The following KLHDC8A variants were observed in gnomAD, a reference collection of about 807,000 sequenced individuals.
KLHDC8A encodes the protein kelch domain-containing protein 8A.
KLHDC8A carries 21 observed loss-of-function variants against 33.1 expected under a neutral mutation model. That is an observed-to-expected ratio of 0.64 (90% confidence interval 0.45 to 0.91). The LOEUF (loss-of-function observed/expected upper bound fraction) is 0.91. Ranked by LOEUF, KLHDC8A falls within the 40% of genes least tolerant of loss-of-function variation. KLHDC8A has a pLI of 0.00. For missense variants in KLHDC8A, 435 were observed against 483.3 expected, an observed-to-expected ratio of 0.90 and a Z score of 0.94; for synonymous variants, 173 against 193.5, an observed-to-expected ratio of 0.89 and a Z score of 0.88.
chr1:205,349,470 G>C (rs1439795010), intron 1 of KLHDC8A, among the ~76,000 whole-genome samples: 2 of 152,322 alleles, frequency 1.3e-5, no homozygotes, highest in East Asian at 3.9e-4. Context: ...GTGGACCCCA[G>C]ATATGGGATG....
At chr1:205,345,702 C>T (rs1291356449) in intron 1 of KLHDC8A, among the ~76,000 whole-genome samples, 2 of 152,154 alleles carry the variant, frequency 1.3e-5, no homozygotes, top group Non-Finnish European at 2.9e-5. Context: ...GATTGCGCCA[C>T]TGCACTCCAG....
In KLHDC8A at chr1:205,337,245, G is replaced by C. The variant is rs902829371; in HGVS notation, c.*154C>G. 1.6e-6 allele frequency: 1 copy of C among 631,512 alleles called. No homozygotes were observed. Among genetic ancestry groups the C allele is most frequent in the Non-Finnish European group, 2.8e-6 (1 of 356,378 alleles). The allele number at this position is 631,512 out of a possible 1,614,324, so 39.1% of individuals were successfully genotyped here. On this transcript the variant is annotated 3_prime_UTR_variant, in exon 6 of 6. Transcript: ENST00000367155. ...GAGATTGGTAGGATTTGGAGCTATA[G>C]AGAGGTCAACTTAGAGCCCCAAGGC...
rs1411946081 is a variant in KLHDC8A, at chr1:205,343,397, C to A, written c.208G>T (p.Ala70Ser). ...TALPRLPTAR[A>S]GVAVTALGKR... ...CCCAGGGCGGTGACGGCCACCCCCG[C>A]CCGGGCTGTGGGCAGCCGGGGCAAG... Residue 70 changes from alanine to serine, a missense_variant, in exon 2 of 6, where the codon GCG becomes TCG. Coordinates refer to ENST00000367155, the MANE Select transcript of KLHDC8A (RefSeq NM_018203.3). The A allele has an allele frequency of 9.3e-6, 15 of 1,613,244 alleles. No homozygotes were observed. Among genetic ancestry groups the A allele is most frequent in the Non-Finnish European group, 1.3e-5 (15 of 1,179,820 alleles).
At chr1:205,338,723 C>G in intron 4 of KLHDC8A, 127 bp from the exon 5 acceptor site, 1 of 696,978 alleles carries the variant, frequency 1.4e-6, no homozygotes, top group Non-Finnish European at 2.5e-6. Flanking sequence ...ATCCTTTATG[C>G]TTGGGGAGTA....
chr1:205,347,905 G>A (rs1052484109), intron 1 of KLHDC8A, among the ~76,000 whole-genome samples: 3 of 152,090 alleles, frequency 2.0e-5, no homozygotes, highest in Non-Finnish European at 2.9e-5. Context: ...CACTCAGTAC[G>A]TTTTGGGTTT....
Position 205,339,108 on chromosome 1 carries a change from G to A in KLHDC8A, c.757+86C>T. On this transcript the variant is annotated intron_variant, in intron 4 of 5. Coordinates refer to ENST00000367155, the MANE Select transcript of KLHDC8A (RefSeq NM_018203.3). The surrounding 1 kb of genome is among the most constrained non-coding windows in gnomAD (Gnocchi z 5.1). Reference sequence around the variant, plus strand: ...CCCAGCTGGGTAAACGGCCCTGGAAGATGGCTGGAATAGGGGTAAGGGATG... The same window carrying A: ...CCCAGCTGGGTAAACGGCCCTGGAAAATGGCTGGAATAGGGGTAAGGGATG... 8.7e-7 allele frequency: 1 copy of A among 1,149,310 alleles called. No individual in the cohort carries two copies. Among genetic ancestry groups the A allele is most frequent in the Non-Finnish European group, 1.3e-6 (1 of 789,060 alleles). 71.2% of individuals were successfully genotyped at this position (1,149,310 alleles called of 1,614,324 possible).
At chr1:205,344,685 A>G (rs916359545) in intron 1 of KLHDC8A, among the ~76,000 whole-genome samples, 1 of 152,212 alleles carries the variant, frequency 6.6e-6, no homozygotes, top group Non-Finnish European at 1.5e-5. Flanking sequence ...CATGAAAACA[A>G]CTTATGTGGG....
Position 205,339,439 on chromosome 1 carries a change from C to T in KLHDC8A, c.542-30G>A. 2 of 1,597,646 alleles carry T rather than the reference C, an allele frequency of 1.3e-6. No homozygotes were observed. The highest frequency in any genetic ancestry group is 3.3e-4 in the Middle Eastern group (2 of 6,046). The stretch of plus-strand genomic sequence containing the variant: ...GGGCCAGAGCAGGATAGAGGTTGGG[C>T]AGAAGGGTTGTCCCTGAGGACAGCG... On this transcript the variant is annotated intron_variant, in intron 3 of 5. Coordinates refer to ENST00000367155, the MANE Select transcript of KLHDC8A (RefSeq NM_018203.3). This position sits in a 1 kb window ranked among gnomAD's most constrained non-coding sequence, Gnocchi z 5.1.
intron 2 of KLHDC8A, among the ~76,000 whole-genome samples, chr1:205,342,296 C>T (rs1662812917): frequency 6.6e-6 from 1 of 152,076 alleles, no homozygotes; most frequent in Non-Finnish European, 1.5e-5. Flanking sequence ...CTCTTTCCCT[C>T]CCTTGCTCTC....
intron 1 of KLHDC8A, among the ~76,000 whole-genome samples, chr1:205,352,549 C>A (rs528051553): frequency 6.6e-6 from 1 of 152,200 alleles, no homozygotes; most frequent in African/African-American, 2.4e-5. Context: ...TGCCATCTGG[C>A]GTGCTGACCT....
At chr1:205,354,453 G>A (rs1371793762) in intron 1 of KLHDC8A, among the ~76,000 whole-genome samples, 1 of 152,132 alleles carries the variant, frequency 6.6e-6, no homozygotes, top group Non-Finnish European at 1.5e-5. Flanking sequence ...ATTGCAAAGC[G>A]CTTACAATCC....
intron 1 of KLHDC8A, among the ~76,000 whole-genome samples, chr1:205,354,562 A>C (rs1051053879): frequency 6.6e-6 from 1 of 152,208 alleles, no homozygotes; most frequent in Non-Finnish European, 1.5e-5. Flanking sequence ...GTAAGCAGTA[A>C]TCCTTGAGAG....
At chr1:205,344,561 A>G (rs1291379194) in intron 1 of KLHDC8A, 1 of 152,312 alleles carries the variant, frequency 6.6e-6, no homozygotes, top group Admixed American at 6.5e-5. Flanking sequence ...GTTTTGGATG[A>G]AGAGGCGGAG....
chr1:205,356,674 G>C lies in KLHDC8A; in HGVS notation c.-331C>G. ...GGGAATAGAGTCGGCAAGGTCCCCAGGGTCCCCAGGGCTTCCTCCACAATT... is the reference window on the plus strand; with the variant it reads ...GGGAATAGAGTCGGCAAGGTCCCCACGGTCCCCAGGGCTTCCTCCACAATT... On this transcript the variant is annotated 5_prime_UTR_variant, in exon 1 of 6. Coordinates refer to ENST00000367155, the MANE Select transcript of KLHDC8A (RefSeq NM_018203.3). The C allele has an allele frequency of 2.3e-6, 1 of 443,104 alleles. No individual in the cohort carries two copies. The highest frequency in any genetic ancestry group is 4.5e-6 in the Non-Finnish European group (1 of 220,670). The allele number at this position is 443,104 out of a possible 1,614,324, so 27.4% of individuals were successfully genotyped here. A position where few individuals can be genotyped will look rare whatever the true frequency, so the allele number is the denominator to read the frequency against.
intron 1 of KLHDC8A, chr1:205,351,192 T>C: frequency 1.3e-6 from 1 of 757,874 alleles, no homozygotes; most frequent in Non-Finnish European, 2.4e-6. Context: ...TATTTGATCA[T>C]CACTGCTCAC....
Position 205,338,505 on chromosome 1 carries a change from A to G in KLHDC8A, c.849T>C (p.Ala283=), listed in dbSNP as rs753375917. 8 of 1,613,248 alleles carry G rather than the reference A, an allele frequency of 5.0e-6. No individual in the cohort carries two copies. Among genetic ancestry groups the G allele is most frequent in the African/African-American group, 1.3e-5 (1 of 74,894 alleles). ...AAGCGCCATCCTTACCAAGTCCCCC[A>G]GCCACTATGACCCGTCCACTCAGAG... The part of the protein sequence containing the change: ...AGSLSGRVIV[A]GGLGNQPTVL... Residue 283 remains alanine, a synonymous_variant, in exon 5 of 6, where the codon GCT becomes GCC. Transcript: ENST00000367155.
rs576564452 is a variant in KLHDC8A, at chr1:205,337,652, C to T, written c.860-60G>A. ...AGTCCAACCACCAATCCATGCCCCACGGTCACCCCACCTCCCTCCCTTCGG... is the reference window on the plus strand; with the variant it reads ...AGTCCAACCACCAATCCATGCCCCATGGTCACCCCACCTCCCTCCCTTCGG... On this transcript the variant is annotated intron_variant, in intron 5 of 5. Transcript: ENST00000367155. The T allele has an allele frequency of 2.9e-5, 38 of 1,315,116 alleles. No individual in the cohort carries two copies. The South Asian group carries it at 4.3e-4, about 15-fold the overall frequency. The allele number at this position is 1,315,116 out of a possible 1,614,324, so 81.5% of individuals were successfully genotyped here.
chr1:205,347,322 A>G (rs1048867043), intron 1 of KLHDC8A, among the ~76,000 whole-genome samples: 4 of 152,094 alleles, frequency 2.6e-5, no homozygotes, highest in African/African-American at 9.7e-5. Context: ...GTGTGTAACC[A>G]TTTTCCTGGT....
At chr1:205,346,096 T>G (rs1036180406) in intron 1 of KLHDC8A, among the ~76,000 whole-genome samples, 1 of 152,188 alleles carries the variant, frequency 6.6e-6, no homozygotes. Flanking sequence ...AATTCCACTG[T>G]TTTTTAGTTC....
Sources: allele counts gnomAD v4.1 joint callset (sites outside exome capture counted in the v4.1 genomes callset), GRCh38; gene constraint gnomAD v4.1.1; non-coding constraint Gnocchi (gnomAD v3.1); transcripts MANE v1.5; gene names NCBI Gene and HGNC (gene_info 2026-07-23, HGNC 2026-07-21).